The following DCSTAMP variants were observed in gnomAD, a reference collection of about 807,000 sequenced individuals.
DCSTAMP encodes dendritic cell-specific transmembrane protein.
Under a neutral mutation model 33.8 loss-of-function variants are expected in DCSTAMP, and 25 were observed. The observed-to-expected ratio is 0.74, with a 90% CI of 0.54 to 1.03. The LOEUF is 1.03. Ranked by LOEUF, DCSTAMP falls within the 50% of genes least tolerant of loss-of-function variation. The pLI is 0.00. For synonymous variants in DCSTAMP, 245 were observed against 216.7 expected (o/e 1.13, Z -1.15); for missense variants, 531 against 556.8 (o/e 0.95, Z 0.47).
intron 2 of DCSTAMP, among the ~76,000 whole-genome samples, chr8:104,351,762 A>G (rs1427776218): frequency 6.6e-6 from 1 of 152,168 alleles, no homozygotes; most frequent in Non-Finnish European, 1.5e-5. Flanking sequence ...TAATTAGCAT[A>G]TAATGAGCAG....
chr8:104,349,657 C>G, intron 2 of DCSTAMP, 76 bp downstream of exon 2: 3 of 1,501,178 alleles, frequency 2.0e-6, no homozygotes, highest in Non-Finnish European at 2.7e-6. Context: ...ATGAACCTCC[C>G]GAGGCAGGGC....
intron 2 of DCSTAMP, among the ~76,000 whole-genome samples, chr8:104,351,089 C>A (rs1214120344): frequency 6.6e-6 from 1 of 152,198 alleles, no homozygotes; most frequent in Admixed American, 6.5e-5. Context: ...GTGGCTTTCT[C>A]TCCTCTATTC....
chr8:104,352,968 G>A (rs190395489), intron 2 of DCSTAMP, among the ~76,000 whole-genome samples: 74 of 152,318 alleles, frequency 4.9e-4, no homozygotes, highest in Non-Finnish European at 6.8e-4. Flanking sequence ...ATTTGCCAAG[G>A]AGAAGTCACA....
At chr8:104,341,637 G>A (rs1025104219) in intron 1 of DCSTAMP, among the ~76,000 whole-genome samples, 5 of 152,258 alleles carry the variant, frequency 3.3e-5, no homozygotes, top group Admixed American at 2.0e-4. Flanking sequence ...GCAGGTAAAT[G>A]TGGGCTCAAG....
chr8:104,346,815 T>C (rs1318376660), intron 1 of DCSTAMP, among the ~76,000 whole-genome samples: 5 of 152,226 alleles, frequency 3.3e-5, no homozygotes, highest in Admixed American at 2.0e-4. Flanking sequence ...TTAACCTCAT[T>C]CGGCCTGAAC....
chr8:104,353,814 A>G (rs1417642291), intron 2 of DCSTAMP, among the ~76,000 whole-genome samples: 2 of 152,230 alleles, frequency 1.3e-5, no homozygotes, highest in Non-Finnish European at 2.9e-5. Context: ...GCTCTGTGGC[A>G]CTAGAGTGAT....
chr8:104,354,918 T>C lies in DCSTAMP; in HGVS notation c.1071T>C (p.Asn357=). ...TQDIIHDSSF[N]ISVFEPNCIP... ...ATATTATCCATGATTCTTCCTTTAA[T>C]ATATCTGTGTTTGAACCCAACTGTA... The change falls in exon 3 of 4, where the codon AAT becomes AAC. Residue 357 remains asparagine, a synonymous_variant. Coordinates refer to ENST00000297581, the MANE Select transcript of DCSTAMP (RefSeq NM_030788.4). 6.2e-7 allele frequency: 1 copy of C among 1,608,764 alleles called. No homozygotes were observed. Among genetic ancestry groups the C allele is most frequent in the Non-Finnish European group, 8.5e-7 (1 of 1,175,980 alleles).
At chr8:104,347,776 C>T (rs912601918) in intron 1 of DCSTAMP, among the ~76,000 whole-genome samples, 2 of 152,090 alleles carry the variant, frequency 1.3e-5, no homozygotes, top group African/African-American at 4.8e-5. Context: ...AAAAATGGCC[C>T]CCTCAGAGTT....
Position 104,356,526 on chromosome 8 carries a change from A to G in DCSTAMP, c.*328A>G, listed in dbSNP as rs1810629832. ...GGAAAAGAAAACGAAAACAGTTTAA[A>G]TCTCTACCACAGCCTCACAAGCAAA... On this transcript the variant is annotated 3_prime_UTR_variant, in exon 4 of 4. Coordinates refer to ENST00000297581, the MANE Select transcript of DCSTAMP (RefSeq NM_030788.4). 1 of 169,718 alleles carries G rather than the reference A, an allele frequency of 5.9e-6. No homozygotes were observed. The highest frequency in any genetic ancestry group is 1.3e-5 in the Non-Finnish European group (1 of 79,688). The allele number at this position is 169,718 out of a possible 1,614,324, so 10.5% of individuals were successfully genotyped here. A position where few individuals can be genotyped will look rare whatever the true frequency, so the allele number is the denominator to read the frequency against.
At chr8:104,347,025 C>A (rs1420688468) in intron 1 of DCSTAMP, among the ~76,000 whole-genome samples, 1 of 152,154 alleles carries the variant, frequency 6.6e-6, no homozygotes, top group Non-Finnish European at 1.5e-5. Context: ...CATTAAAATC[C>A]CATACATATG....
At chr8:104,344,485 T>C (rs1440533763) in intron 1 of DCSTAMP, among the ~76,000 whole-genome samples, 1 of 152,200 alleles carries the variant, frequency 6.6e-6, no homozygotes, top group Non-Finnish European at 1.5e-5. Context: ...CAGACAGTTC[T>C]ATCCAACAGC....
chr8:104,348,145 G>C (rs573226386), intron 1 of DCSTAMP, among the ~76,000 whole-genome samples: 8 of 152,334 alleles, frequency 5.3e-5, no homozygotes, highest in African/African-American at 1.7e-4. Flanking sequence ...CCAGAACTGT[G>C]AGAGAATAAA....
In DCSTAMP at chr8:104,349,106, A is replaced by G. The variant is rs779366450; in HGVS notation, c.554A>G (p.Gln185Arg). The change falls in exon 2 of 4, where the codon CAG becomes CGG. Residue 185 changes from glutamine to arginine, a missense_variant. Transcript: ENST00000297581. ...AGTCCCAGCCATGTCCTGGAGGCAC[A>G]GCTAAATGACAGCAAAGGGGAAGTC... ...LFSPSHVLEA[Q>R]LNDSKGEVLS... 32 of 1,614,064 alleles carry G rather than the reference A, an allele frequency of 2.0e-5. 1 individual carries two copies. The Admixed American group carries it at 5.0e-4, about 25-fold the overall frequency.
At chr8:104,345,503 G>A (rs1456186495) in intron 1 of DCSTAMP, among the ~76,000 whole-genome samples, 1 of 152,128 alleles carries the variant, frequency 6.6e-6, no homozygotes, top group Non-Finnish European at 1.5e-5. Flanking sequence ...AAATAAGAAG[G>A]ATAATATTAG....
At chr8:104,343,210 C>A (rs1265389838) in intron 1 of DCSTAMP, among the ~76,000 whole-genome samples, 2 of 152,192 alleles carry the variant, frequency 1.3e-5, no homozygotes, top group East Asian at 3.8e-4. Context: ...CTGGCTCTTG[C>A]ACTTATTAGC....
chr8:104,348,756 G>C lies in DCSTAMP; in HGVS notation c.204G>C (p.Thr68=), dbSNP rs201545994. 6.2e-7 allele frequency: 1 copy of C among 1,614,158 alleles called. No individual in the cohort carries two copies. The highest frequency in any genetic ancestry group is 8.5e-7 in the Non-Finnish European group (1 of 1,180,032). ...CGGCCGCTGCCTCCTGGATTATCACGTGTGTTCTGCTGTGTTGCTCCAAGC... is the reference window on the plus strand; with the variant it reads ...CGGCCGCTGCCTCCTGGATTATCACCTGTGTTCTGCTGTGTTGCTCCAAGC... ...IIAAAASWII[T]CVLLCCSKHA... is the part of the protein sequence containing the mutation. Residue 68 remains threonine (T), a synonymous_variant, in exon 2 of 4, where the codon ACG becomes ACC. Coordinates refer to ENST00000297581, the MANE Select transcript of DCSTAMP (RefSeq NM_030788.4).
At position 104,349,450 on chromosome 8, in the gene DCSTAMP, A is replaced by G. The variant is rs768246558; in HGVS notation, c.898A>G (p.Ile300Val). The stretch of plus-strand genomic sequence containing the variant: ...AAACCTGGGGCTGTTTTTCCTCCCC[A>G]TACTTATCCATCTCTGCATCTGGGT... The part of the protein sequence containing the change: ...RKNLGLFFLP[I>V]LIHLCIWVLF... Residue 300 changes from isoleucine (I) to valine (V), a missense_variant, in exon 2 of 4, where the codon ATA (isoleucine) becomes GTA (valine). By Grantham distance (29) the Ile-to-Val change is conservative (BLOSUM62 3). Transcript: ENST00000297581. 3.7e-6 allele frequency: 6 copies of G among 1,614,166 alleles called. No individual in the cohort carries two copies. Among genetic ancestry groups the G allele is most frequent in the South Asian group, 2.2e-5 (2 of 91,084 alleles).
At chr8:104,354,128 C>T (rs1201665823) in intron 2 of DCSTAMP, among the ~76,000 whole-genome samples, 1 of 152,148 alleles carries the variant, frequency 6.6e-6, no homozygotes, top group Non-Finnish European at 1.5e-5. Flanking sequence ...AAGGAATGTA[C>T]CTCTCATGAG....
intron 1 of DCSTAMP, among the ~76,000 whole-genome samples, chr8:104,342,539 C>T (rs1193355667): frequency 6.6e-6 from 1 of 152,242 alleles, no homozygotes; most frequent in East Asian, 1.9e-4. Context: ...ATGGGCTCTC[C>T]AGCCCCCCAG....
Sources: allele counts gnomAD v4.1 joint callset (sites outside exome capture counted in the v4.1 genomes callset), GRCh38; gene constraint gnomAD v4.1.1; transcripts MANE v1.5; gene names NCBI Gene and HGNC (gene_info 2026-07-23, HGNC 2026-07-21).